PALLD: variants seen among roughly 807,000 people sequenced by gnomAD.
PALLD encodes the protein palladin.
A neutral mutation model predicts 123.5 loss-of-function variants in PALLD; 61 were observed. The ratio of observed to expected loss-of-function variants is 0.49; its 90% CI spans 0.40 to 0.61. The LOEUF (loss-of-function observed/expected upper bound fraction) is 0.61, where lower values mean the gene tolerates loss of function less well. Among genes scored for constraint, PALLD ranks in the 20% least tolerant of loss-of-function variants. PALLD has a pLI of 0.00. For synonymous variants in PALLD, 465 were observed against 496.4 expected (o/e 0.94, Z 0.84); for missense variants, 1,273 against 1,377.0 (o/e 0.92, Z 1.20).
At chr4:168,793,346 T>TATATATACATATATGTGTGCAC in intron 10 of PALLD, among the ~76,000 whole-genome samples, 1 of 79,824 alleles carries the variant, frequency 1.3e-5, no homozygotes, top group African/African-American at 4.7e-5. Context: ...TATGTGTGCA[T>TATATATACATATATGTGTGCAC]ATATATACAT....
rs557553512 is a variant in PALLD at position 168,883,043 on chromosome 4, T to C, written c.1965-7879T>C. Among the ~76,000 whole-genome samples, 39 of 151,432 alleles carry C rather than the reference T, an allele frequency of 2.6e-4. No individual in the cohort carries two copies. The South Asian group carries it at 8.2e-3, about 32-fold the overall frequency. Reference sequence around the variant, plus strand: ...TGGGTGAGGTTGCAGTGAGCTGAGATTGCGCCATTGCATTCCAGCCTGGTG... The same window carrying C: ...TGGGTGAGGTTGCAGTGAGCTGAGACTGCGCCATTGCATTCCAGCCTGGTG... On this transcript the variant is annotated intron_variant, in intron 10 of 21. Coordinates refer to ENST00000505667, the MANE Select transcript of PALLD (RefSeq NM_001166108.2).
chr4:168,657,152 A>G lies in PALLD; in HGVS notation c.909-11038A>G, dbSNP rs138517008. 3.9e-3 allele frequency among the ~76,000 whole-genome samples: 587 copies of G among 152,348 alleles called. 3 individuals are homozygous for G. The highest frequency in any genetic ancestry group is 0.014 in the African/African-American group (574 of 41,572). ...CCCAGAACACTGATCCTTCAACATG[A>G]TTCACAGAACACATGTTCCATGGTC... On this transcript the variant is annotated intron_variant, in intron 2 of 21. Transcript: ENST00000505667.
At chr4:168,705,712 C>T (rs1784158095) in intron 8 of PALLD, among the ~76,000 whole-genome samples, 1 of 152,174 alleles carries the variant, frequency 6.6e-6, no homozygotes. Context: ...TCTTGGCTCA[C>T]TGCAACCTCT....
chr4:168,561,634 T>A (rs1767878638), intron 2 of PALLD, among the ~76,000 whole-genome samples: 1 of 152,222 alleles, frequency 6.6e-6, no homozygotes, highest in Non-Finnish European at 1.5e-5. Flanking sequence ...CAAAACATAT[T>A]CATACGCTTT....
At chr4:168,633,647 T>C (rs1365593156) in intron 2 of PALLD, among the ~76,000 whole-genome samples, 1 of 152,202 alleles carries the variant, frequency 6.6e-6, no homozygotes, top group Non-Finnish European at 1.5e-5. Context: ...AGACTAGAAA[T>C]AGCAATGATT....
intron 10 of PALLD, among the ~76,000 whole-genome samples, chr4:168,770,991 C>T (rs1485247764): frequency 6.6e-6 from 1 of 150,790 alleles, no homozygotes; most frequent in African/African-American, 2.4e-5. Flanking sequence ...AGCCAGGAGG[C>T]AGAGGTTGCA....
chr4:168,733,955 T>A (rs1474050917), intron 10 of PALLD, among the ~76,000 whole-genome samples: 2 of 152,224 alleles, frequency 1.3e-5, no homozygotes, highest in East Asian at 1.9e-4. Flanking sequence ...CAGGATGGTC[T>A]CGATCTCCTG....
chr4:168,902,439 G>A (rs1427849996), intron 14 of PALLD, among the ~76,000 whole-genome samples: 1 of 152,116 alleles, frequency 6.6e-6, no homozygotes, highest in Non-Finnish European at 1.5e-5. Flanking sequence ...TCATTATGAT[G>A]GGCCTATCTT....
Position 168,809,450 on chromosome 4 carries a change from T to C in PALLD, c.1965-81472T>C, listed in dbSNP as rs181706214. Among the ~76,000 whole-genome samples the C allele has an allele frequency of 9.9e-5, 15 of 152,272 alleles. No individual in the cohort carries two copies. The East Asian group carries it at 2.9e-3, about 29-fold the overall frequency. ...AGAGGTTAAGACTAAAGACATGTTT[T>C]AGTTATCCACCTAGAGAGAAACATA... On this transcript the variant is annotated intron_variant, in intron 10 of 21. Coordinates refer to ENST00000505667, the MANE Select transcript of PALLD (RefSeq NM_001166108.2).
chr4:168,567,877 G>C (rs1439726950), intron 2 of PALLD, among the ~76,000 whole-genome samples: 1 of 151,798 alleles, frequency 6.6e-6, no homozygotes, highest in African/African-American at 2.4e-5. Context: ...TATACTAAAA[G>C]CCAAGACTGT....
intron 10 of PALLD, among the ~76,000 whole-genome samples, chr4:168,861,643 A>G (rs1209991535): frequency 6.6e-6 from 1 of 151,818 alleles, no homozygotes; most frequent in African/African-American, 2.4e-5. Context: ...TTTTAGATTC[A>G]CATTTATGTT....
At chr4:168,878,333 C>T (rs1451199627) in intron 10 of PALLD, 3 of 1,521,998 alleles carry the variant, frequency 2.0e-6, no homozygotes, top group Non-Finnish European at 2.6e-6. Context: ...CGCTCTGCTG[C>T]CCTCGCAGCC....
At chr4:168,825,815 G>A (rs1743340846) in intron 10 of PALLD, among the ~76,000 whole-genome samples, 1 of 152,104 alleles carries the variant, frequency 6.6e-6, no homozygotes, top group South Asian at 2.1e-4. Flanking sequence ...CATGAAATGC[G>A]ACACAAGATT....
rs1786958900 is a variant in PALLD, at chr4:168,729,657, T to G, written c.1964+17734T>G. Among the ~76,000 whole-genome samples, 3 of 152,196 alleles carry G rather than the reference T, an allele frequency of 2.0e-5. No individual in the cohort carries two copies. In the South Asian group the frequency reaches 6.2e-4, roughly 32 times the overall value. On this transcript the variant is annotated intron_variant, in intron 10 of 21. Coordinates refer to ENST00000505667, the MANE Select transcript of PALLD (RefSeq NM_001166108.2). The stretch of plus-strand genomic sequence containing the variant: ...ATCATTCTCGTGTACTTTTACCCTC[T>G]TCTTCTCCTGGCTCCCTTGGTTCCT...
chr4:168,755,087 G>T (rs1731612750), intron 10 of PALLD, among the ~76,000 whole-genome samples: 1 of 152,122 alleles, frequency 6.6e-6, no homozygotes, highest in South Asian at 2.1e-4. Context: ...AAAAAAATTA[G>T]CCAGGCGTGG....
chr4:168,854,143 C>CAAA (rs1748223218), intron 10 of PALLD, among the ~76,000 whole-genome samples: 1 of 148,968 alleles, frequency 6.7e-6, no homozygotes, highest in African/African-American at 2.5e-5. Flanking sequence ...GCTACTACTG[C>CAAA]CTCTGTTTAC....
chr4:168,654,985 TTGTGTGTGTG>T lies in PALLD; in HGVS notation c.909-13193_909-13184del, dbSNP rs10579101. 2.0e-5 allele frequency among the ~76,000 whole-genome samples: 3 copies of T among 151,444 alleles called. No individual in the cohort carries two copies. The East Asian group carries it at 5.8e-4, about 29-fold the overall frequency. Reference sequence around the variant, plus strand: ...TCCAGGCATATATGTATATGGCTACTTGTGTGTGTGTGTGTGTGTGTAATAGTGTAATTTC... The same window carrying T: ...TCCAGGCATATATGTATATGGCTACTTGTGTGTGTGTAATAGTGTAATTTC... On this transcript the variant is annotated intron_variant, in intron 2 of 21. Transcript: ENST00000505667.
intron 2 of PALLD, among the ~76,000 whole-genome samples, chr4:168,667,516 G>A (rs1186548721): frequency 6.6e-6 from 1 of 152,146 alleles, no homozygotes; most frequent in Non-Finnish European, 1.5e-5. Context: ...GAGAGAACCT[G>A]TGTTCAAACA....
chr4:168,728,346 G>T (rs72699874), intron 10 of PALLD, among the ~76,000 whole-genome samples: 12,638 of 152,158 alleles, frequency 0.083, 514 homozygotes, highest in South Asian at 0.12. Context: ...TAGCATGGAT[G>T]TTTTTTCATT....
Sources: gnomAD v4.1 joint callset for allele counts (sites outside exome capture counted in the v4.1 genomes callset) on GRCh38, gnomAD v4.1.1 for gene constraint, MANE v1.5 for transcripts, NCBI Gene and HGNC (gene_info 2026-07-23, HGNC 2026-07-21) for gene names.